The following CCDC12 variants were observed in gnomAD, a reference collection of about 807,000 sequenced individuals.
The protein encoded by CCDC12 is coiled-coil domain-containing protein 12.
In CCDC12, 28 loss-of-function variants were observed where a neutral mutation model predicts 25.7. That is an observed-to-expected ratio of 1.09 (90% confidence interval 0.81 to 1.50). The LOEUF (loss-of-function observed/expected upper bound fraction) is 1.50, where lower values mean the gene tolerates loss of function less well. Ranked by LOEUF, CCDC12 falls within the 40% of genes most tolerant of loss-of-function variation. The pLI is 0.00. For synonymous variants in CCDC12, 75 were observed against 87.7 expected (o/e 0.86, Z 0.81); for missense variants, 198 against 210.0 (o/e 0.94, Z 0.35).
intron 2 of CCDC12, among the ~76,000 whole-genome samples, chr3:46,939,338 C>T (rs1040804477): frequency 6.6e-6 from 1 of 152,066 alleles, no homozygotes; most frequent in Non-Finnish European, 1.5e-5. Context: ...AAACCAGCGA[C>T]CCTTCTCTCT....
At chr3:46,935,938 C>T (rs541192379) in intron 2 of CCDC12, among the ~76,000 whole-genome samples, 1 of 152,270 alleles carries the variant, frequency 6.6e-6, no homozygotes, top group South Asian at 2.1e-4. Context: ...TATTAACAAG[C>T]TAACTATAAA....
intron 2 of CCDC12, among the ~76,000 whole-genome samples, chr3:46,932,962 C>T (rs1352601889): frequency 6.6e-6 from 1 of 152,228 alleles, no homozygotes; most frequent in African/African-American, 2.4e-5. Context: ...AGGCAGAATC[C>T]ACACCCTGCT....
At chr3:46,939,323 C>T (rs1014515078) in intron 2 of CCDC12, among the ~76,000 whole-genome samples, 3 of 152,116 alleles carry the variant, frequency 2.0e-5, no homozygotes, top group African/African-American at 7.2e-5. Context: ...ACCCACCCAC[C>T]TGCTAAACCA....
At chr3:46,942,987 C>T (rs1056623793) in intron 1 of CCDC12, among the ~76,000 whole-genome samples, 1 of 152,024 alleles carries the variant, frequency 6.6e-6, no homozygotes, top group Non-Finnish European at 1.5e-5. Context: ...CAATGATTGC[C>T]AGGTAAGACA....
chr3:46,971,959 A>T (rs6442048), intron 1 of CCDC12, among the ~76,000 whole-genome samples: 1 of 152,152 alleles, frequency 6.6e-6, no homozygotes, highest in South Asian at 2.1e-4. Context: ...ATACTTCCTC[A>T]CCAGACTCCC....
Position 46,940,719 on chromosome 3 carries a change from T to C in CCDC12, c.164+279A>G, listed in dbSNP as rs191211190. On this transcript the variant is annotated intron_variant, in intron 2 of 6. Transcript: ENST00000683445. ...CAATGGAGAACCACGCCACAAAAGG[T>C]GTATGAGAAGGGTAAAAAGGCATAA... 378 of 443,676 alleles carry C rather than the reference T, an allele frequency of 8.5e-4. 1 individual carries two copies. The highest frequency in any genetic ancestry group is 5.5e-3 in the African/African-American group (280 of 50,722). 27.5% of individuals were successfully genotyped at this position (443,676 alleles called of 1,614,324 possible).
intron 1 of CCDC12, among the ~76,000 whole-genome samples, chr3:46,966,610 G>T (rs754416511): frequency 6.6e-6 from 1 of 152,204 alleles, no homozygotes; most frequent in Non-Finnish European, 1.5e-5. Flanking sequence ...CAAGAAGGCT[G>T]CCAGCATCCA....
chr3:46,951,008 A>G (rs1211412823), intron 1 of CCDC12, among the ~76,000 whole-genome samples: 2 of 152,144 alleles, frequency 1.3e-5, no homozygotes, highest in African/African-American at 4.8e-5. Context: ...CGGGAGGCCG[A>G]GGCGGGTCCC....
chr3:46,976,747 C>G (rs1370713408), upstream of CCDC12: 2 of 1,597,290 alleles, frequency 1.3e-6, no homozygotes, highest in Non-Finnish European at 1.7e-6. Flanking sequence ...CCCGCGTACG[C>G]CCCTCCTTTT....
At chr3:46,968,230 T>C (rs1282100829) in intron 1 of CCDC12, among the ~76,000 whole-genome samples, 1 of 152,200 alleles carries the variant, frequency 6.6e-6, no homozygotes, top group African/African-American at 2.4e-5. Flanking sequence ...CCACCTCGGC[T>C]GTGACTGCAA....
chr3:46,975,579 G>A (rs1451760088), intron 1 of CCDC12, among the ~76,000 whole-genome samples: 1 of 141,372 alleles, frequency 7.1e-6, no homozygotes, highest in Admixed American at 7.5e-5. Context: ...CGCCCAGGCT[G>A]GAGTGCAGTG....
chr3:46,966,523 A>AAAG (rs1559565248), intron 1 of CCDC12, among the ~76,000 whole-genome samples: 20 of 151,636 alleles, frequency 1.3e-4, no homozygotes, highest in African/African-American at 3.2e-4. Context: ...CTCAAAAAAA[A>AAAG]AAAGAAAGAA....
chr3:46,966,371 G>A (rs2034640606), intron 1 of CCDC12, among the ~76,000 whole-genome samples: 1 of 152,062 alleles, frequency 6.6e-6, no homozygotes, highest in Non-Finnish European at 1.5e-5. Flanking sequence ...AAATTAGCCG[G>A]GCGCGGTGAC....
chr3:46,976,293 G>A (rs1417746125), intron 1 of CCDC12: 3 of 1,150,228 alleles, frequency 2.6e-6, no homozygotes, highest in Non-Finnish European at 3.2e-6. Context: ...ATAGAGGAAC[G>A]GAACAAATCA....
intron 1 of CCDC12, among the ~76,000 whole-genome samples, chr3:46,964,731 G>T (rs2034589114): frequency 6.6e-6 from 1 of 152,108 alleles, no homozygotes; most frequent in Non-Finnish European, 1.5e-5. Context: ...GATGTGCTTT[G>T]TTAAACAGAT....
At chr3:46,941,157 A>G in intron 1 of CCDC12, 92 bp from the exon 2 acceptor site, 2 of 1,239,268 alleles carry the variant, frequency 1.6e-6, no homozygotes, top group African/African-American at 3.0e-5. Flanking sequence ...GACATCTCAG[A>G]AGGGGGGCAC....
chr3:46,927,095 C>T (rs554706987), intron 2 of CCDC12, among the ~76,000 whole-genome samples: 2 of 152,320 alleles, frequency 1.3e-5, no homozygotes, highest in South Asian at 4.1e-4. Flanking sequence ...CTGCCAGGGC[C>T]CCTGAGCCTG....
Position 46,955,859 on chromosome 3 carries a change from A to G in CCDC12, c.97-14794T>C, listed in dbSNP as rs565882087. Among the ~76,000 whole-genome samples, 52 of 152,356 alleles carry G rather than the reference A, an allele frequency of 3.4e-4. No homozygotes were observed. In the South Asian group the frequency reaches 0.01, roughly 30 times the overall value. ...CTGTCGGGAGGAACAGTCCCTTCCAACTGCAAGCTGCCATGTGGTACTTGC... is the reference window on the plus strand; with the variant it reads ...CTGTCGGGAGGAACAGTCCCTTCCAGCTGCAAGCTGCCATGTGGTACTTGC... On this transcript the variant is annotated intron_variant, in intron 1 of 6. Transcript: ENST00000683445.
chr3:46,960,807 C>T (rs1279438386), intron 1 of CCDC12, among the ~76,000 whole-genome samples: 1 of 152,216 alleles, frequency 6.6e-6, no homozygotes, highest in Admixed American at 6.5e-5. Flanking sequence ...TTAGAAACAG[C>T]AAGTCCGTCT....
Sources: gnomAD v4.1 joint callset for allele counts (sites outside exome capture counted in the v4.1 genomes callset) on GRCh38, gnomAD v4.1.1 for gene constraint, MANE v1.5 for transcripts, NCBI Gene and HGNC (gene_info 2026-07-23, HGNC 2026-07-21) for gene names.